The following BCAS3 variants were observed in gnomAD, a reference collection of about 807,000 sequenced individuals.
BCAS3 encodes BCAS3 microtubule associated cell migration factor.
A neutral mutation model predicts 116.1 loss-of-function variants in BCAS3; 53 were observed. The ratio of observed to expected loss-of-function variants is 0.46; its 90% CI spans 0.37 to 0.57. The LOEUF (loss-of-function observed/expected upper bound fraction) is 0.57. Among genes scored for constraint, BCAS3 ranks in the 20% least tolerant of loss-of-function variants. The pLI is 0.00. For missense variants in BCAS3, 917 were observed against 1,165.4 expected, an observed-to-expected ratio of 0.79 and a Z score of 3.10; for synonymous variants, 391 against 408.2, an observed-to-expected ratio of 0.96 and a Z score of 0.51.
intron 5 of BCAS3, among the ~76,000 whole-genome samples, chr17:60,710,583 C>T (rs1194583046): frequency 1.3e-5 from 2 of 152,074 alleles, no homozygotes; most frequent in East Asian, 3.9e-4. Context: ...AGGCGCCCGC[C>T]ACCACGCCTG....
chr17:61,334,804 C>T (rs2056592525), intron 22 of BCAS3, among the ~76,000 whole-genome samples: 1 of 152,162 alleles, frequency 6.6e-6, no homozygotes, highest in East Asian at 1.9e-4. Flanking sequence ...ACCTAAGTGT[C>T]ACAGGAACAG....
intron 2 of BCAS3, among the ~76,000 whole-genome samples, chr17:60,680,070 C>T (rs1467045488): frequency 7.1e-6 from 1 of 140,582 alleles, no homozygotes; most frequent in East Asian, 2.2e-4. Context: ...GGAGGTGGAA[C>T]TTGCAGTGAG....
chr17:61,043,393 T>A (rs1236322244), intron 19 of BCAS3, among the ~76,000 whole-genome samples: 1 of 151,996 alleles, frequency 6.6e-6, no homozygotes, highest in Non-Finnish European at 1.5e-5. Flanking sequence ...AATTTGAAAC[T>A]AAGTAGTTAC....
chr17:61,309,633 G>A lies in BCAS3; in HGVS notation c.2426-58694G>A, dbSNP rs140462912. 3.9e-5 allele frequency among the ~76,000 whole-genome samples: 6 copies of A among 152,196 alleles called. No homozygotes were observed. The highest frequency in any genetic ancestry group is 9.6e-5 in the African/African-American group (4 of 41,514). The stretch of plus-strand genomic sequence containing the variant: ...CGAGTATTGCCTCCTTTCCTGAAGC[G>A]TGTTCTCCGTCCCAAGGAAAACACA... On this transcript the variant is annotated intron_variant, in intron 22 of 23. Transcript: ENST00000407086. The surrounding 1 kb of genome is among the most constrained non-coding windows in gnomAD (Gnocchi z 4.6).
intron 23 of BCAS3, among the ~76,000 whole-genome samples, chr17:61,386,789 G>GTTTTTTTTTTTTTTTT (rs1236991526): frequency 8.3e-6 from 1 of 120,964 alleles, no homozygotes; most frequent in East Asian, 2.8e-4. Context: ...TTTTGTTTTT[G>GTTTTTTTTTTTTTTTT]TTTTTTGTTT....
intron 22 of BCAS3, among the ~76,000 whole-genome samples, chr17:61,257,693 C>T (rs1049376703): frequency 1.2e-4 from 19 of 152,222 alleles, no homozygotes; most frequent in Admixed American, 2.0e-4. Flanking sequence ...GGGAGGAACA[C>T]GGAATTTGGG....
At chr17:60,954,220 GT>G (rs1252945514) in intron 14 of BCAS3, among the ~76,000 whole-genome samples, 2 of 152,086 alleles carry the variant, frequency 1.3e-5, no homozygotes, top group African/African-American at 2.4e-5. Flanking sequence ...CCATTGGTTT[GT>G]GTGTCTGTTT....
At chr17:60,770,501 C>T (rs1205162360) in intron 6 of BCAS3, among the ~76,000 whole-genome samples, 1 of 143,842 alleles carries the variant, frequency 7.0e-6, no homozygotes, top group African/African-American at 2.5e-5. Flanking sequence ...TCACTGCAAC[C>T]TCCGACTCCC....
chr17:61,215,482 CA>C lies in BCAS3; in HGVS notation c.2425+130919del, dbSNP rs1261726945. Among the ~76,000 whole-genome samples the C allele has an allele frequency of 1.3e-5, 2 of 152,170 alleles. No individual in the cohort carries two copies. Among genetic ancestry groups the C allele is most frequent in the Non-Finnish European group, 2.9e-5 (2 of 68,022 alleles). On this transcript the variant is annotated intron_variant, in intron 22 of 23. Transcript: ENST00000407086. This position sits in a 1 kb window ranked among gnomAD's most constrained non-coding sequence, Gnocchi z 4.8. Reference sequence around the variant, plus strand: ...ATTCTATGATATATTACTTGAAGAACAGAGGCAACATTTAAATGTAAATTTC... The same window carrying C: ...ATTCTATGATATATTACTTGAAGAACGAGGCAACATTTAAATGTAAATTTC...
At chr17:61,334,766 G>A (rs73330740) in intron 22 of BCAS3, among the ~76,000 whole-genome samples, 22,199 of 151,310 alleles carry the variant, frequency 0.15, 2,463 homozygotes, top group African/African-American at 0.31. Flanking sequence ...AAGGAGCCAC[G>A]ACAAATGTTG....
chr17:60,968,116 G>GT (rs925667363), intron 14 of BCAS3, among the ~76,000 whole-genome samples: 3 of 151,910 alleles, frequency 2.0e-5, no homozygotes, highest in African/African-American at 4.8e-5. Context: ...ACTTGCTGTT[G>GT]TTTTTTTCGT....
intron 22 of BCAS3, among the ~76,000 whole-genome samples, chr17:61,298,420 C>T (rs1253273376): frequency 1.3e-5 from 2 of 152,142 alleles, no homozygotes; most frequent in Non-Finnish European, 2.9e-5. Flanking sequence ...CTGCATTTCT[C>T]ATTGATCTTA....
chr17:61,241,735 A>G lies in BCAS3; in HGVS notation c.2426-126592A>G, dbSNP rs2047540239. 6.6e-6 allele frequency among the ~76,000 whole-genome samples: 1 copy of G among 151,926 alleles called. No homozygotes were observed. Among genetic ancestry groups the G allele is most frequent in the Non-Finnish European group, 1.5e-5 (1 of 68,002 alleles). On this transcript the variant is annotated intron_variant, in intron 22 of 23. Transcript: ENST00000407086. This position sits in a 1 kb window ranked among gnomAD's most constrained non-coding sequence, Gnocchi z 4.6. Reference sequence around the variant, plus strand: ...CTCCATCTCAAAAAATAATAATAAGAATAATAGTTTGGAGGTAAAATGAGT... The same window carrying G: ...CTCCATCTCAAAAAATAATAATAAGGATAATAGTTTGGAGGTAAAATGAGT...
intron 22 of BCAS3, among the ~76,000 whole-genome samples, chr17:61,271,430 T>TTTTTTTTTTTTGTCTTAGGTGGAG (rs2050250888): frequency 9.3e-6 from 1 of 108,090 alleles, no homozygotes; most frequent in African/African-American, 3.4e-5. Flanking sequence ...CCGGATTTTT[T>TTTTTTTTTTTTGTCTTAGGTGGAG]TTTTTTTGTC....
rs188623006 is a variant in BCAS3, at chr17:61,160,451, G to C, written c.2425+75887G>C. Among the ~76,000 whole-genome samples, 832 of 152,226 alleles carry C rather than the reference G, an allele frequency of 5.5e-3. 4 individuals are homozygous for C. The highest frequency in any genetic ancestry group is 7.0e-3 in the Non-Finnish European group (476 of 68,026). ...CTGGGGCATCATGGCAGACAAGTAT[G>C]TCTCCCCTCCCTGTGACTGCGCTCC... On this transcript the variant is annotated intron_variant, in intron 22 of 23. Coordinates refer to ENST00000407086, the MANE Select transcript of BCAS3 (RefSeq NM_017679.5).
Position 61,186,812 on chromosome 17 carries a change from G to A in BCAS3, c.2425+102248G>A, listed in dbSNP as rs1348244632. On this transcript the variant is annotated intron_variant, in intron 22 of 23. Transcript: ENST00000407086. The surrounding 1 kb of genome is among the most constrained non-coding windows in gnomAD (Gnocchi z 4.9). ...TGCAAGCTCCACCTCCTGGGTTCAC[G>A]CCATTCTCTTGCCTCAGCCTCCCAA... Among the ~76,000 whole-genome samples, 2 of 151,978 alleles carry A rather than the reference G, an allele frequency of 1.3e-5. No homozygotes were observed. The highest frequency in any genetic ancestry group is 2.9e-5 in the Non-Finnish European group (2 of 67,964).
Position 61,104,188 on chromosome 17 carries a change from G to A in BCAS3, c.2425+19624G>A, listed in dbSNP as rs558998411. On this transcript the variant is annotated intron_variant, in intron 22 of 23. Transcript: ENST00000407086. The surrounding 1 kb of genome is among the most constrained non-coding windows in gnomAD (Gnocchi z 4.1). ...TGTAAAAATTCCAGGAGTTGGGTGG[G>A]CTTGATGTCCTCTCTCCCATTCCAC... is the stretch of plus-strand genomic sequence containing the variant. Among the ~76,000 whole-genome samples the A allele has an allele frequency of 6.6e-6, 1 of 152,186 alleles. No homozygotes were observed. Among genetic ancestry groups the A allele is most frequent in the African/African-American group, 2.4e-5 (1 of 41,514 alleles).
chr17:60,879,368 A>G (rs1276041808), intron 9 of BCAS3, among the ~76,000 whole-genome samples: 1 of 152,230 alleles, frequency 6.6e-6, no homozygotes. Context: ...AAGTAGAGAC[A>G]GCTGTGTCCA....
At position 61,023,607 on chromosome 17, in the gene BCAS3, AT is replaced by A. The variant is rs1568146966; in HGVS notation, c.1637+7708del. On this transcript the variant is annotated intron_variant, in intron 16 of 23. Coordinates refer to ENST00000407086, the MANE Select transcript of BCAS3 (RefSeq NM_017679.5). This position sits in a 1 kb window ranked among gnomAD's most constrained non-coding sequence, Gnocchi z 4.8. ...GTTTACCTTGTTTTCAGCTAGTAAG[AT>A]TGAAGACTTTGTGGCACCATGTGGC... Among the ~76,000 whole-genome samples the A allele has an allele frequency of 6.6e-6, 1 of 152,148 alleles. No individual in the cohort carries two copies. Among genetic ancestry groups the A allele is most frequent in the Non-Finnish European group, 1.5e-5 (1 of 68,018 alleles).
Sources: allele counts gnomAD v4.1 joint callset (sites outside exome capture counted in the v4.1 genomes callset), GRCh38; gene constraint gnomAD v4.1.1; non-coding constraint Gnocchi (gnomAD v3.1); transcripts MANE v1.5; gene names NCBI Gene and HGNC (gene_info 2026-07-23, HGNC 2026-07-21).